The following SORCS3 variants were observed in gnomAD, a reference collection of about 807,000 sequenced individuals.
The protein encoded by SORCS3 is sortilin related VPS10 domain containing receptor 3.
In SORCS3, 57 loss-of-function variants were observed where a neutral mutation model predicts 146.3. The ratio of observed to expected loss-of-function variants is 0.39; its 90% CI spans 0.31 to 0.49. The LOEUF (loss-of-function observed/expected upper bound fraction) is 0.49. Ranked by LOEUF, SORCS3 falls within the 20% of genes least tolerant of loss-of-function variation. The pLI, the probability that SORCS3 is intolerant of heterozygous loss-of-function variation, is 0.92. For synonymous variants in SORCS3, 653 were observed against 618.5 expected (o/e 1.06, Z -0.83); for missense variants, 1,341 against 1,575.5 (o/e 0.85, Z 2.52).
intron 1 of SORCS3, among the ~76,000 whole-genome samples, chr10:104,699,397 G>T (rs547391241): frequency 2.5e-4 from 38 of 152,190 alleles, no homozygotes; most frequent in African/African-American, 8.9e-4. Flanking sequence ...CCAAGTAATT[G>T]CCAAACAGCA....
Position 104,731,499 on chromosome 10 carries a change from T to C in SORCS3, c.627+89545T>C, listed in dbSNP as rs534050095. 5.3e-5 allele frequency among the ~76,000 whole-genome samples: 8 copies of C among 152,280 alleles called. No homozygotes were observed. The East Asian group carries it at 1.4e-3, about 26-fold the overall frequency. On this transcript the variant is annotated intron_variant, in intron 1 of 26. Coordinates refer to ENST00000369701, the MANE Select transcript of SORCS3 (RefSeq NM_014978.3). Reference sequence around the variant, plus strand: ...CTTCCAGAAGAGGCTACCTAATCCCTGACTTTCCCAACTCTGACATTCCCC... The same window carrying C: ...CTTCCAGAAGAGGCTACCTAATCCCCGACTTTCCCAACTCTGACATTCCCC...
At chr10:104,907,416 A>G (rs1162726001) in intron 2 of SORCS3, among the ~76,000 whole-genome samples, 2 of 152,208 alleles carry the variant, frequency 1.3e-5, no homozygotes, top group Non-Finnish European at 2.9e-5. Flanking sequence ...AGTGAGAACT[A>G]ATGTGTTCAC....
chr10:104,976,563 A>G (rs1443234207), intron 3 of SORCS3, among the ~76,000 whole-genome samples: 2 of 152,154 alleles, frequency 1.3e-5, no homozygotes, highest in Non-Finnish European at 2.9e-5. Flanking sequence ...ATTACTGGGT[A>G]TATACCCAAA....
chr10:105,151,559 C>G (rs1050162969), intron 9 of SORCS3, among the ~76,000 whole-genome samples: 11 of 152,098 alleles, frequency 7.2e-5, no homozygotes, highest in African/African-American at 2.7e-4. Context: ...ACCTTGCCCA[C>G]TTAAGCCACA....
intron 7 of SORCS3, among the ~76,000 whole-genome samples, chr10:105,131,413 A>C (rs1013440956): frequency 1.3e-5 from 2 of 152,142 alleles, no homozygotes; most frequent in African/African-American, 4.8e-5. Flanking sequence ...AAAAGCTTCC[A>C]CATGTCATTT....
chr10:105,228,029 G>A (rs1299642397), intron 20 of SORCS3, among the ~76,000 whole-genome samples: 2 of 132,864 alleles, frequency 1.5e-5, no homozygotes, highest in African/African-American at 2.9e-5. Context: ...GTGTGTGTGT[G>A]TGTGTATGTG....
chr10:105,041,083 A>G (rs1006681913), intron 4 of SORCS3, among the ~76,000 whole-genome samples: 6 of 137,142 alleles, frequency 4.4e-5, no homozygotes, highest in East Asian at 3.9e-4. Flanking sequence ...ATGTATGTAT[A>G]TATATTTATA....
intron 1 of SORCS3, among the ~76,000 whole-genome samples, chr10:104,703,635 G>A (rs1447494714): frequency 1.3e-5 from 2 of 151,620 alleles, no homozygotes; most frequent in Admixed American, 6.6e-5. Context: ...TTAGAGGATG[G>A]GTAAATAGGT....
intron 3 of SORCS3, among the ~76,000 whole-genome samples, chr10:104,916,187 A>G (rs1431666827): frequency 6.6e-6 from 1 of 152,244 alleles, no homozygotes; most frequent in African/African-American, 2.4e-5. Context: ...TATCGTTACA[A>G]TGAATCTATG....
chr10:104,760,233 A>G (rs1748557820), intron 1 of SORCS3, among the ~76,000 whole-genome samples: 1 of 152,216 alleles, frequency 6.6e-6, no homozygotes, highest in Non-Finnish European at 1.5e-5. Flanking sequence ...TCTCAGGGCC[A>G]GACTGTGAAC....
intron 20 of SORCS3, among the ~76,000 whole-genome samples, chr10:105,227,757 A>G (rs1056949185): frequency 6.6e-6 from 1 of 152,014 alleles, no homozygotes; most frequent in African/African-American, 2.4e-5. Flanking sequence ...GAATTATGAT[A>G]TCTTCTTGCT....
intron 1 of SORCS3, among the ~76,000 whole-genome samples, chr10:104,806,441 C>T (rs1021268506): frequency 7.2e-5 from 11 of 152,138 alleles, no homozygotes; most frequent in African/African-American, 2.7e-4. Flanking sequence ...ATGGTAGTGG[C>T]ATTGTAAATC....
chr10:104,831,858 G>A (rs192399066), intron 1 of SORCS3, among the ~76,000 whole-genome samples: 1 of 152,172 alleles, frequency 6.6e-6, no homozygotes, highest in African/African-American at 2.4e-5. Flanking sequence ...GATGGGGGAG[G>A]GGGGTGTGGA....
intron 1 of SORCS3, among the ~76,000 whole-genome samples, chr10:104,704,152 C>T (rs889529645): frequency 6.1e-5 from 9 of 146,934 alleles, no homozygotes; most frequent in African/African-American, 2.0e-4. Flanking sequence ...ATAGCTCATC[C>T]AAGTTTCCTT....
chr10:104,695,945 A>AT (rs2016170410), intron 1 of SORCS3, among the ~76,000 whole-genome samples: 1 of 144,530 alleles, frequency 6.9e-6, no homozygotes, highest in Non-Finnish European at 1.5e-5. Flanking sequence ...GTATATATAT[A>AT]ATATATATAT....
intron 20 of SORCS3, among the ~76,000 whole-genome samples, chr10:105,240,778 C>A (rs1214508989): frequency 6.6e-6 from 1 of 151,902 alleles, no homozygotes; most frequent in Non-Finnish European, 1.5e-5. Context: ...TCCTCTCATG[C>A]CCCTTCTAAG....
At chr10:105,030,595 CTT>C (rs34314523) in intron 4 of SORCS3, among the ~76,000 whole-genome samples, 9 of 144,116 alleles carry the variant, frequency 6.2e-5, no homozygotes, top group Admixed American at 7.0e-5. Flanking sequence ...GCTGAAGATC[CTT>C]TTTTTTTTTT....
At chr10:104,651,967 A>G (rs1297569809) in intron 1 of SORCS3, among the ~76,000 whole-genome samples, 1 of 152,012 alleles carries the variant, frequency 6.6e-6, no homozygotes, top group African/African-American at 2.4e-5. Context: ...AGCCCCCTTG[A>G]CTACTGGGGT....
intron 19 of SORCS3, among the ~76,000 whole-genome samples, 179 bp from the exon 20 acceptor site, chr10:105,222,937 C>G (rs899919917): frequency 6.6e-6 from 1 of 152,174 alleles, no homozygotes; most frequent in Non-Finnish European, 1.5e-5. Context: ...TTTGAGTTCC[C>G]TGTTATATTC....
Sources: gnomAD v4.1 joint callset for allele counts (sites outside exome capture counted in the v4.1 genomes callset) on GRCh38, gnomAD v4.1.1 for gene constraint, MANE v1.5 for transcripts, NCBI Gene and HGNC (gene_info 2026-07-23, HGNC 2026-07-21) for gene names.